The following SPAG16 variants were observed in gnomAD, a reference collection of about 807,000 sequenced individuals.
SPAG16 encodes sperm-associated antigen 16 protein.
Under a neutral mutation model 80.4 loss-of-function variants are expected in SPAG16, and 86 were observed. The ratio of observed to expected loss-of-function variants is 1.07; its 90% CI spans 0.90 to 1.28. The LOEUF (loss-of-function observed/expected upper bound fraction) is 1.28. SPAG16 is among the 50% of genes most tolerant of loss of function. The pLI, the probability that SPAG16 is intolerant of heterozygous loss-of-function variation, is 0.00. For synonymous variants in SPAG16, 294 were observed against 265.9 expected, an observed-to-expected ratio of 1.11 and a Z score of -1.03; for missense variants, 870 against 765.3, an observed-to-expected ratio of 1.14 and a Z score of -1.61.
intron 10 of SPAG16, among the ~76,000 whole-genome samples, chr2:213,564,392 G>C (rs969147705): frequency 2.0e-5 from 3 of 151,720 alleles, no homozygotes; most frequent in Non-Finnish European, 4.4e-5. Context: ...CTACTCGAGA[G>C]GCTGAGGCAG....
chr2:214,073,584 A>G (rs547244766), intron 13 of SPAG16, among the ~76,000 whole-genome samples: 8 of 152,168 alleles, frequency 5.3e-5, no homozygotes, highest in Non-Finnish European at 8.8e-5. Flanking sequence ...ATGTCTGTGC[A>G]TTGGAAGAAC....
At chr2:213,499,322 G>C (rs1189708061) in intron 10 of SPAG16, among the ~76,000 whole-genome samples, 1 of 152,034 alleles carries the variant, frequency 6.6e-6, no homozygotes, top group Non-Finnish European at 1.5e-5. Context: ...CATAATACAG[G>C]GGTGCATAGA....
intron 11 of SPAG16, among the ~76,000 whole-genome samples, chr2:213,876,853 A>C (rs762266383): frequency 6.6e-6 from 1 of 152,140 alleles, no homozygotes; most frequent in South Asian, 2.1e-4. Flanking sequence ...GTCCTTTGTC[A>C]CTGAACTTGA....
intron 15 of SPAG16, among the ~76,000 whole-genome samples, chr2:214,378,825 C>A (rs143814263): frequency 6.6e-6 from 1 of 152,192 alleles, no homozygotes; most frequent in African/African-American, 2.4e-5. Flanking sequence ...CCCTCAGTCA[C>A]AGACCTAGGA....
chr2:213,327,931 G>A (rs1188182994), intron 5 of SPAG16, among the ~76,000 whole-genome samples: 8 of 152,138 alleles, frequency 5.3e-5, no homozygotes, highest in Non-Finnish European at 8.8e-5. Context: ...CTATGTGCAA[G>A]ACTATGTAAG....
intron 10 of SPAG16, among the ~76,000 whole-genome samples, chr2:213,855,618 T>G (rs9288476): frequency 0.34 from 52,336 of 152,090 alleles, 9,464 homozygotes; most frequent in South Asian, 0.47. Flanking sequence ...GATTTAATTG[T>G]CTCACAGTTC....
intron 7 of SPAG16, among the ~76,000 whole-genome samples, chr2:213,362,326 A>G (rs949327109): frequency 2.6e-5 from 4 of 152,218 alleles, no homozygotes; most frequent in African/African-American, 7.2e-5. Context: ...AGAGTAGACA[A>G]ATCTCCCATA....
intron 10 of SPAG16, among the ~76,000 whole-genome samples, chr2:213,789,343 A>C (rs1017736615): frequency 6.6e-6 from 1 of 151,954 alleles, no homozygotes; most frequent in Non-Finnish European, 1.5e-5. Context: ...TCAGTCATTT[A>C]TGTGCTTTAT....
At chr2:213,588,611 G>T (rs1328743229) in intron 10 of SPAG16, among the ~76,000 whole-genome samples, 1 of 150,532 alleles carries the variant, frequency 6.6e-6, no homozygotes, top group Non-Finnish European at 1.5e-5. Flanking sequence ...GACCATCCTG[G>T]CTAACAAGGT....
chr2:213,578,250 A>T (rs971933586), intron 10 of SPAG16, among the ~76,000 whole-genome samples: 1 of 152,120 alleles, frequency 6.6e-6, no homozygotes, highest in Non-Finnish European at 1.5e-5. Flanking sequence ...AAAGATCTTG[A>T]TATAATTTCA....
At chr2:214,177,933 A>ATATATATATATG in intron 15 of SPAG16, among the ~76,000 whole-genome samples, 1 of 130,876 alleles carries the variant, frequency 7.6e-6, no homozygotes, top group South Asian at 2.4e-4. Flanking sequence ...ATATATATAT[A>ATATATATATATG]TGGCCAGAAT....
At chr2:213,317,174 G>A (rs1237724429) in intron 4 of SPAG16, 45 bp from the exon 5 acceptor site, 1 of 1,285,610 alleles carries the variant, frequency 7.8e-7, no homozygotes, top group Non-Finnish European at 1.1e-6. Flanking sequence ...AAGCCAATTT[G>A]GCAGAAAGAA....
At chr2:213,422,533 G>C in intron 9 of SPAG16, 1 of 478,014 alleles carries the variant, frequency 2.1e-6, no homozygotes, top group African/African-American at 1.9e-5. Flanking sequence ...GGCCGAGTGG[G>C]CAGAATGAGC....
chr2:213,761,921 A>C (rs1209564119), intron 10 of SPAG16, among the ~76,000 whole-genome samples: 2 of 152,010 alleles, frequency 1.3e-5, no homozygotes, highest in Non-Finnish European at 2.9e-5. Context: ...ACAGACCAAT[A>C]TCTCTTACGA....
In SPAG16 at chr2:213,405,014, G is replaced by A. The variant is rs539442649; in HGVS notation, c.942+29895G>A. ...GGCAACATACCCCAACAGTAAGCAT[G>A]TGCTTATGGTTGCTAGCTCCTATAC... On this transcript the variant is annotated intron_variant, in intron 9 of 15. Transcript: ENST00000331683. 2.0e-5 allele frequency among the ~76,000 whole-genome samples: 3 copies of A among 152,260 alleles called. No homozygotes were observed. The South Asian group carries it at 6.2e-4, about 32-fold the overall frequency.
At chr2:214,024,368 A>G (rs2048030623) in intron 13 of SPAG16, among the ~76,000 whole-genome samples, 1 of 151,652 alleles carries the variant, frequency 6.6e-6, no homozygotes, top group Admixed American at 6.6e-5. Context: ...TAGGACAGAG[A>G]TTATGATCTA....
At chr2:213,887,801 T>C (rs2076619333) in intron 11 of SPAG16, among the ~76,000 whole-genome samples, 1 of 151,828 alleles carries the variant, frequency 6.6e-6, no homozygotes, top group Non-Finnish European at 1.5e-5. Flanking sequence ...TTAGGAAATA[T>C]TGATTATAGA....
chr2:213,767,033 T>C (rs149324606), intron 10 of SPAG16, among the ~76,000 whole-genome samples: 128 of 152,298 alleles, frequency 8.4e-4, no homozygotes, highest in Middle Eastern at 3.4e-3. Flanking sequence ...ATATCACCAG[T>C]TGTTTTTGTG....
intron 11 of SPAG16, among the ~76,000 whole-genome samples, chr2:213,914,487 T>C (rs2077854158): frequency 1.3e-5 from 2 of 152,146 alleles, no homozygotes; most frequent in Non-Finnish European, 2.9e-5. Context: ...TATTCTATCA[T>C]ATATATAGTA....
Sources: allele counts gnomAD v4.1 joint callset (sites outside exome capture counted in the v4.1 genomes callset), GRCh38; gene constraint gnomAD v4.1.1; transcripts MANE v1.5; gene names NCBI Gene and HGNC (gene_info 2026-07-23, HGNC 2026-07-21).